LPP: variants seen among roughly 807,000 people sequenced by gnomAD.
LPP encodes the protein lipoma-preferred partner.
In LPP, 38 loss-of-function variants were observed where a neutral mutation model predicts 60.4. The observed-to-expected ratio is 0.63, with a 90% CI of 0.49 to 0.83. The LOEUF is 0.83. LPP is among the 40% of genes least tolerant of loss of function. The probability of loss-of-function intolerance (pLI) is 0.00; values close to 1 mark genes in which losing one functional copy is unlikely to be tolerated. For synonymous variants in LPP, 328 were observed against 290.8 expected, an observed-to-expected ratio of 1.13 and a Z score of -1.30; for missense variants, 902 against 783.6, an observed-to-expected ratio of 1.15 and a Z score of -1.80.
rs75194903 is a variant in LPP, at chr3:188,529,311, G to A, written c.429+4524G>A. 2.0e-5 allele frequency among the ~76,000 whole-genome samples: 3 copies of A among 152,276 alleles called. No homozygotes were observed. The East Asian group carries it at 5.8e-4, about 29-fold the overall frequency. ...ATGTAGACCGTTAATGCCCAACATTGATGTTTCTATTTTTGTTCAAAGCAA... is the reference window on the plus strand; with the variant it reads ...ATGTAGACCGTTAATGCCCAACATTAATGTTTCTATTTTTGTTCAAAGCAA... On this transcript the variant is annotated intron_variant, in intron 6 of 11. Transcript: ENST00000617246.
chr3:188,843,559 G>A (rs1029561968), intron 9 of LPP, among the ~76,000 whole-genome samples: 3 of 151,558 alleles, frequency 2.0e-5, no homozygotes, highest in Non-Finnish European at 4.4e-5. Flanking sequence ...AGGCCGAGGC[G>A]GGCGGATCAC....
At chr3:188,708,568 ATAGATGTGATGTCTACT>A (rs1478287666) in intron 8 of LPP, 175 bp downstream of exon 8, 4 of 790,162 alleles carry the variant, frequency 5.1e-6, no homozygotes, top group Non-Finnish European at 8.2e-6. Flanking sequence ...CAAGACTGCC[ATAGATGTGATGTCTACT>A]TAGCTTATAC....
intron 7 of LPP, among the ~76,000 whole-genome samples, chr3:188,664,629 G>A (rs939986116): frequency 6.6e-6 from 1 of 152,040 alleles, no homozygotes; most frequent in African/African-American, 2.4e-5. Context: ...GTGTGTGTGT[G>A]TGTGTGTGGA....
intron 7 of LPP, among the ~76,000 whole-genome samples, chr3:188,678,833 A>G (rs1290680458): frequency 6.6e-6 from 1 of 152,190 alleles, no homozygotes; most frequent in Non-Finnish European, 1.5e-5. Context: ...GATGCACAAA[A>G]CGAAAGCCAG....
chr3:188,357,715 A>G (rs981724869), intron 3 of LPP, among the ~76,000 whole-genome samples: 33 of 152,366 alleles, frequency 2.2e-4, no homozygotes, highest in African/African-American at 7.5e-4. Flanking sequence ...TAAATAAAAC[A>G]GAAAGCATTC....
intron 2 of LPP, among the ~76,000 whole-genome samples, chr3:188,312,312 A>G (rs568609240): frequency 2.6e-5 from 4 of 152,310 alleles, no homozygotes; most frequent in African/African-American, 9.6e-5. Context: ...CCGTTTTCTG[A>G]ACTGTCCTTC....
chr3:188,543,493 G>A (rs2889899), intron 6 of LPP, among the ~76,000 whole-genome samples: 76,550 of 151,980 alleles, frequency 0.5, 19,785 homozygotes, highest in East Asian at 0.92. Context: ...TTCAACGGGA[G>A]AACGATCAGC....
Position 188,884,462 on chromosome 3 carries a change from GTCT to G in LPP, c.*9988_*9990del. 4.4e-6 allele frequency: 1 copy of G among 229,316 alleles called. No individual in the cohort carries two copies. Among genetic ancestry groups the G allele is most frequent in the Non-Finnish European group, 8.6e-6 (1 of 115,622 alleles). 14.2% of individuals were successfully genotyped at this position (229,316 alleles called of 1,614,324 possible). On this transcript the variant is annotated 3_prime_UTR_variant, in exon 12 of 12. Coordinates refer to ENST00000617246, the MANE Select transcript of LPP (RefSeq NM_001375462.1). ...TCATTTAGAGCTTGCACACATCTGTGTCTTCTTGTGGGAAACCTCTAGGTATTC... is the reference window on the plus strand; with the variant it reads ...TCATTTAGAGCTTGCACACATCTGTGTCTTGTGGGAAACCTCTAGGTATTC...
At chr3:188,372,711 TTTA>T (rs962136619) in intron 3 of LPP, among the ~76,000 whole-genome samples, 71 of 151,784 alleles carry the variant, frequency 4.7e-4, no homozygotes, top group African/African-American at 1.5e-3. Context: ...TTTTTTAAAT[TTTA>T]TTATTATTAT....
At chr3:188,623,258 CTTTTT>C (rs112468971) in intron 7 of LPP, among the ~76,000 whole-genome samples, 10 of 135,996 alleles carry the variant, frequency 7.4e-5, no homozygotes, top group African/African-American at 1.1e-4. Flanking sequence ...TATGAAGATA[CTTTTT>C]TTTTTTTTTT....
chr3:188,351,856 G>A (rs566130032), intron 3 of LPP, among the ~76,000 whole-genome samples: 4 of 152,266 alleles, frequency 2.6e-5, no homozygotes, highest in Admixed American at 6.5e-5. Flanking sequence ...TGGGGGACTT[G>A]TGGTCACCCG....
At chr3:188,612,755 T>C (rs1843991063) in intron 7 of LPP, among the ~76,000 whole-genome samples, 1 of 152,190 alleles carries the variant, frequency 6.6e-6, no homozygotes, top group South Asian at 2.1e-4. Flanking sequence ...GAGTTTGGCA[T>C]TTAACCCATT....
chr3:188,359,535 G>C (rs539736243), intron 3 of LPP, among the ~76,000 whole-genome samples: 9 of 152,162 alleles, frequency 5.9e-5, no homozygotes, highest in African/African-American at 2.2e-4. Flanking sequence ...GGGGAAGAGA[G>C]GCAGTAAGTG....
rs1268514976 is a variant in LPP, at chr3:188,708,403, G to C, written c.1240+10G>C. ...GCTGACGAATACTTTGGTGAGTGGG[G>C]CCTAGAGCTGACTTCTGAAGTAACT... is the stretch of plus-strand genomic sequence containing the variant. On this transcript the variant is annotated intron_variant, in intron 8 of 11. Coordinates refer to ENST00000617246, the MANE Select transcript of LPP (RefSeq NM_001375462.1). The C allele has an allele frequency of 6.2e-7, 1 of 1,614,158 alleles. No homozygotes were observed. Among genetic ancestry groups the C allele is most frequent in the East Asian group, 2.2e-5 (1 of 44,886 alleles).
intron 2 of LPP, among the ~76,000 whole-genome samples, chr3:188,228,357 G>A (rs1415506652): frequency 6.6e-6 from 1 of 152,198 alleles, no homozygotes; most frequent in Non-Finnish European, 1.5e-5. Flanking sequence ...TTCATGGATA[G>A]AATAAATCTG....
In LPP at chr3:188,512,449, G is replaced by A. The variant is rs145897200; in HGVS notation, c.307-12216G>A. 9.3e-3 allele frequency among the ~76,000 whole-genome samples: 1,385 copies of A among 149,216 alleles called. 25 individuals carry two copies. Among genetic ancestry groups the A allele is most frequent in the African/African-American group, 0.032 (1,328 of 40,958 alleles). The stretch of plus-strand genomic sequence containing the variant: ...CACTTGTAATCCTAGCTACTCGGGA[G>A]GCTTAGGCAGGAGAATTGCTTGAAC... On this transcript the variant is annotated intron_variant, in intron 5 of 11. Coordinates refer to ENST00000617246, the MANE Select transcript of LPP (RefSeq NM_001375462.1).
chr3:188,837,710 C>A (rs1268570868), intron 9 of LPP, among the ~76,000 whole-genome samples: 2 of 152,106 alleles, frequency 1.3e-5, no homozygotes, highest in Non-Finnish European at 2.9e-5. Context: ...TTTCCAGAAT[C>A]TTTTCCACCT....
intron 7 of LPP, among the ~76,000 whole-genome samples, chr3:188,648,042 A>G (rs1243937781): frequency 6.6e-6 from 1 of 152,182 alleles, no homozygotes; most frequent in Admixed American, 6.5e-5. Flanking sequence ...ATGAGACTCA[A>G]TGAAAAAGTA....
chr3:188,465,993 ATT>A (rs1800275113), intron 4 of LPP, among the ~76,000 whole-genome samples: 2 of 152,156 alleles, frequency 1.3e-5, no homozygotes, highest in African/African-American at 4.8e-5. Context: ...GGGATAGGCT[ATT>A]TCCATGAAGA....
Sources: allele counts gnomAD v4.1 joint callset (sites outside exome capture counted in the v4.1 genomes callset), GRCh38; gene constraint gnomAD v4.1.1; transcripts MANE v1.5; gene names NCBI Gene and HGNC (gene_info 2026-07-23, HGNC 2026-07-21).